Variants in CDH9 observed in about 807,000 individuals in gnomAD.
CDH9 encodes the protein cadherin-9.
CDH9 carries 28 observed loss-of-function variants against 70.9 expected under a neutral mutation model. The observed-to-expected ratio is 0.40, with a 90% CI of 0.29 to 0.54. The LOEUF (loss-of-function observed/expected upper bound fraction) is 0.54. Ranked by LOEUF, CDH9 falls within the 20% of genes least tolerant of loss-of-function variation. The pLI is 0.59. For synonymous variants in CDH9, 409 were observed against 343.1 expected, an observed-to-expected ratio of 1.19 and a Z score of -2.12; for missense variants, 874 against 984.4, an observed-to-expected ratio of 0.89 and a Z score of 1.50.
intron 2 of CDH9, among the ~76,000 whole-genome samples, chr5:26,925,086 C>G (rs941653519): frequency 6.6e-6 from 1 of 152,140 alleles, no homozygotes; most frequent in African/African-American, 2.4e-5. Context: ...ATCACTGGGT[C>G]AAATGGTATT....
At chr5:26,926,578 T>C (rs891013741) in intron 2 of CDH9, among the ~76,000 whole-genome samples, 9 of 149,078 alleles carry the variant, frequency 6.0e-5, no homozygotes, top group African/African-American at 1.5e-4. Flanking sequence ...CTTCACAGAA[T>C]TGGAAAAAAA....
At position 26,915,832 on chromosome 5, in the gene CDH9, T is replaced by G; in HGVS notation, c.321A>C (p.Thr107=). Reference sequence around the variant, plus strand: ...GTTTCTTTGCAGCATGAATGTCTCCTGTATTTTCATCTATAACAAATAGAC... The same window carrying G: ...GTTTCTTTGCAGCATGAATGTCTCCGGTATTTTCATCTATAACAAATAGAC... ...AGSLFVIDEN[T]GDIHAAKKLD... The change falls in exon 3 of 12, where the codon ACA becomes ACC. Residue 107 remains threonine (T), a synonymous_variant. Transcript: ENST00000231021. The G allele has an allele frequency of 6.2e-7, 1 of 1,612,846 alleles. No homozygotes were observed. The highest frequency in any genetic ancestry group is 8.5e-7 in the Non-Finnish European group (1 of 1,178,882).
intron 2 of CDH9, among the ~76,000 whole-genome samples, chr5:26,962,899 TA>T (rs1742061826): frequency 6.6e-6 from 1 of 152,170 alleles, no homozygotes; most frequent in African/African-American, 2.4e-5. Context: ...ATTCTCTAAT[TA>T]GTTTATCAAT....
intron 1 of CDH9, among the ~76,000 whole-genome samples, chr5:27,001,838 A>ACTCTCTCTCTCTCTCT (rs1186197846): frequency 8.1e-6 from 1 of 123,170 alleles, no homozygotes; most frequent in African/African-American, 3.8e-5. Flanking sequence ...ATACACACAC[A>ACTCTCTCTCTCTCTCT]CACACACTCT....
At chr5:26,904,350 G>C (rs1179600583) in intron 5 of CDH9, among the ~76,000 whole-genome samples, 1 of 141,176 alleles carries the variant, frequency 7.1e-6, no homozygotes, top group East Asian at 2.1e-4. Flanking sequence ...TGTAGGTTCA[G>C]GCAAGTGTTA....
At chr5:26,908,297 C>T (rs557994998) in intron 3 of CDH9, among the ~76,000 whole-genome samples, 13 of 151,570 alleles carry the variant, frequency 8.6e-5, no homozygotes, top group African/African-American at 2.9e-4. Context: ...ATTTACATTC[C>T]CCCCACACAA....
intron 3 of CDH9, among the ~76,000 whole-genome samples, chr5:26,911,284 T>A (rs532951387): frequency 3.0e-4 from 45 of 152,196 alleles, no homozygotes; most frequent in Non-Finnish European, 5.7e-4. Context: ...AGAGCTGGAC[T>A]AGGTCAAAGT....
intron 11 of CDH9, among the ~76,000 whole-genome samples, chr5:26,883,040 CTTATATATATATATATATATATATAT>C (rs1392262807): frequency 7.0e-5 from 2 of 28,378 alleles, no homozygotes; most frequent in Non-Finnish European, 1.2e-4. Flanking sequence ...TCAGGATCAT[CTTATATATATATATATATATATATAT>C]ATATATATAT....
At chr5:26,953,951 C>G (rs974672575) in intron 2 of CDH9, among the ~76,000 whole-genome samples, 2 of 151,834 alleles carry the variant, frequency 1.3e-5, no homozygotes, top group African/African-American at 4.8e-5. Flanking sequence ...ACATAAAACA[C>G]ACACACACAC....
chr5:26,978,269 TA>T (rs1288775318), intron 2 of CDH9, among the ~76,000 whole-genome samples: 2 of 151,896 alleles, frequency 1.3e-5, no homozygotes, highest in African/African-American at 4.8e-5. Context: ...GACATCAATA[TA>T]TTGAAGAATT....
At chr5:26,937,554 T>C (rs1044512578) in intron 2 of CDH9, among the ~76,000 whole-genome samples, 5 of 152,162 alleles carry the variant, frequency 3.3e-5, no homozygotes, top group Admixed American at 6.6e-5. Flanking sequence ...ATAGCAACTT[T>C]ATGCATAACT....
intron 2 of CDH9, among the ~76,000 whole-genome samples, chr5:26,954,384 C>CTTTTTTTTTTTTTTT (rs141394776): frequency 2.7e-4 from 5 of 18,368 alleles, no homozygotes; most frequent in African/African-American, 6.5e-4. Flanking sequence ...ATTATACAGC[C>CTTTTTTTTTTTTTTT]TTTCTTTTTT....
chr5:26,901,820 T>C lies in CDH9; in HGVS notation c.1253+656A>G, dbSNP rs530493609. Among the ~76,000 whole-genome samples, 143 of 151,938 alleles carry C rather than the reference T, an allele frequency of 9.4e-4. 4 individuals are homozygous for C. The South Asian group carries it at 0.029, about 31-fold the overall frequency. ...AAAACCTTTAAAATGGTGAAAACTATTCAAAATTTGGAAAGATATGCTATA... is the reference window on the plus strand; with the variant it reads ...AAAACCTTTAAAATGGTGAAAACTACTCAAAATTTGGAAAGATATGCTATA... On this transcript the variant is annotated intron_variant, in intron 7 of 11. Transcript: ENST00000231021.
intron 1 of CDH9, among the ~76,000 whole-genome samples, chr5:27,009,650 T>C (rs946047700): frequency 1.3e-5 from 2 of 152,096 alleles, no homozygotes; most frequent in Non-Finnish European, 2.9e-5. Context: ...TACAGGTTTC[T>C]TAGCCAGCTC....
chr5:26,996,320 T>A (rs755988660), intron 1 of CDH9, among the ~76,000 whole-genome samples: 8 of 152,152 alleles, frequency 5.3e-5, no homozygotes, highest in Middle Eastern at 3.4e-3. Flanking sequence ...TGTGATACGG[T>A]CATATAATTT....
intron 1 of CDH9, among the ~76,000 whole-genome samples, chr5:27,029,701 C>A (rs991639994): frequency 2.0e-5 from 3 of 151,796 alleles, no homozygotes; most frequent in African/African-American, 7.3e-5. Flanking sequence ...CAAAAAAAAT[C>A]TAAGGATCTT....
At position 26,983,019 on chromosome 5, in the gene CDH9, T is replaced by C. The variant is rs149200194; in HGVS notation, c.228+5087A>G. Among the ~76,000 whole-genome samples the C allele has an allele frequency of 9.5e-3, 1,452 of 152,170 alleles. 26 individuals are homozygous for C. Among genetic ancestry groups the C allele is most frequent in the African/African-American group, 0.033 (1,375 of 41,528 alleles). The stretch of plus-strand genomic sequence containing the variant: ...GATTTTAAGAGATGATCTCATAGTT[T>C]TGAGGGATAATTCTAGCTAGGGAAA... On this transcript the variant is annotated intron_variant, in intron 2 of 11. Transcript: ENST00000231021.
intron 2 of CDH9, among the ~76,000 whole-genome samples, chr5:26,946,809 A>T (rs1048004046): frequency 5.9e-5 from 9 of 152,118 alleles, no homozygotes; most frequent in African/African-American, 2.2e-4. Context: ...TGCCTGAAAA[A>T]CTGAATAAGT....
chr5:26,920,319 G>A (rs1561195354), intron 2 of CDH9, among the ~76,000 whole-genome samples: 1 of 151,826 alleles, frequency 6.6e-6, no homozygotes, highest in Non-Finnish European at 1.5e-5. Context: ...ATTTTTTCAT[G>A]TGGTTTGGAT....
Sources: allele counts gnomAD v4.1 joint callset (sites outside exome capture counted in the v4.1 genomes callset), GRCh38; gene constraint gnomAD v4.1.1; transcripts MANE v1.5; gene names NCBI Gene and HGNC (gene_info 2026-07-23, HGNC 2026-07-21).